Variants in MAS1 observed in about 807,000 individuals in gnomAD.
The protein encoded by MAS1 is MAS1 proto-oncogene, G protein-coupled receptor, also known as proto-oncogene Mas.
For synonymous variants in MAS1, 163 were observed against 164.2 expected (o/e 0.99, Z 0.05); for missense variants, 387 against 409.7 (o/e 0.94, Z 0.48).
In MAS1 at chr6:159,914,193, TTC is replaced by T. The variant is rs1175802807; in HGVS notation, c.*6264_*6265del. ...TCTGTACTTTTTGTGATTCTCTGAA[TTC>T]TCTGTCAGACATTTCGGAGATCTTC... is the stretch of plus-strand genomic sequence containing the variant. On this transcript the variant is annotated 3_prime_UTR_variant, in exon 3 of 3. Transcript: ENST00000674077. 17 of 152,374 alleles carry T rather than the reference TTC, an allele frequency of 1.1e-4. No homozygotes were observed. The highest frequency in any genetic ancestry group is 9.8e-4 in the Admixed American group (15 of 15,306). The allele number at this position is 152,374 out of a possible 1,614,324, so 9.4% of individuals were successfully genotyped here.
chr6:159,904,957 A>G (rs220725), intron 2 of MAS1, among the ~76,000 whole-genome samples: 150,556 of 152,292 alleles, frequency 0.99, 74,430 homozygotes, highest in East Asian at 1. Context: ...TATTTCCTTC[A>G]TGTCTTTGCC....
At position 159,913,439 on chromosome 6, in the gene MAS1, C is replaced by T. The variant is rs142945149; in HGVS notation, c.*5506C>T. On this transcript the variant is annotated 3_prime_UTR_variant, in exon 3 of 3. Coordinates refer to ENST00000674077, the MANE Select transcript of MAS1 (RefSeq NM_002377.4). ...AACAATGTATTGTCATTTCTCAAGG[C>T]TCCATGGGTTGATTGAGTTCAGTTT... The T allele has an allele frequency of 1.3e-5, 2 of 152,328 alleles. No individual in the cohort carries two copies. The highest frequency in any genetic ancestry group is 3.9e-4 in the East Asian group (2 of 5,188). The allele number at this position is 152,328 out of a possible 1,614,324, so 9.4% of individuals were successfully genotyped here.
At chr6:159,903,553 T>G (rs1782848194) in intron 2 of MAS1, among the ~76,000 whole-genome samples, 3 of 152,046 alleles carry the variant, frequency 2.0e-5, no homozygotes, top group Admixed American at 1.3e-4. Flanking sequence ...ACCCTGAACA[T>G]CTCCTCACTC....
chr6:159,915,320 C>A lies in MAS1; in HGVS notation c.*7387C>A, dbSNP rs1783009925. 1 of 152,212 alleles carries A rather than the reference C, an allele frequency of 6.6e-6. No individual in the cohort carries two copies. The highest frequency in any genetic ancestry group is 2.4e-5 in the African/African-American group (1 of 41,430). The allele number at this position is 152,212 out of a possible 1,614,324, so 9.4% of individuals were successfully genotyped here. ...CCGTACCCTTTCTCCAGCCTCCCTG[C>A]CCCATAAACCTATAAATCCCAAATT... On this transcript the variant is annotated 3_prime_UTR_variant, in exon 3 of 3. Transcript: ENST00000674077.
rs954930026 is a variant in MAS1 at position 159,907,044 on chromosome 6, G to A, written c.89G>A (p.Arg30Gln). The A allele has an allele frequency of 1.3e-5, 21 of 1,614,040 alleles. No homozygotes were observed. Among genetic ancestry groups the A allele is most frequent in the Non-Finnish European group, 1.7e-5 (20 of 1,179,948 alleles). ...GRNASVGNAHRQIPIVHWVIM... is the reference protein window; with the variant it reads ...GRNASVGNAHQQIPIVHWVIM... ...AACGCCTCAGTCGGGAATGCACATC[G>A]GCAAATCCCCATCGTGCACTGGGTC... Residue 30 changes from arginine to glutamine, a missense_variant, in exon 3 of 3, where the codon CGG becomes CAG. Transcript: ENST00000674077.
intron 1 of MAS1, among the ~76,000 whole-genome samples, chr6:159,897,243 C>T (rs140984175): frequency 2.9e-3 from 434 of 152,036 alleles, no homozygotes; most frequent in African/African-American, 9.9e-3. Flanking sequence ...GCTGATTGGT[C>T]AGGTTGGAGG....
At position 159,909,088 on chromosome 6, in the gene MAS1, A is replaced by G. The variant is rs1782935486; in HGVS notation, c.*1155A>G. ...ATTTTTGCTCATGACAGATCCTTGC[A>G]TGACTTCCTCAGAATCTTTACTCAG... On this transcript the variant is annotated 3_prime_UTR_variant, in exon 3 of 3. Transcript: ENST00000674077. The G allele has an allele frequency of 6.6e-6, 1 of 151,602 alleles. No homozygotes were observed. Among genetic ancestry groups the G allele is most frequent in the Non-Finnish European group, 1.5e-5 (1 of 68,000 alleles). 9.4% of individuals were successfully genotyped at this position (151,602 alleles called of 1,614,324 possible).
intron 1 of MAS1, among the ~76,000 whole-genome samples, chr6:159,894,424 A>AC (rs1472266620): frequency 4.6e-5 from 7 of 151,298 alleles, no homozygotes; most frequent in African/African-American, 1.7e-4. Context: ...GTCTCAAAAA[A>AC]AAAAAAAAAA....
chr6:159,895,922 T>A (rs573695694), intron 1 of MAS1, among the ~76,000 whole-genome samples: 51 of 152,332 alleles, frequency 3.3e-4, no homozygotes, highest in Admixed American at 6.5e-4. Context: ...AAAATTTGCA[T>A]CCATATGAAT....
At chr6:159,891,534 A>G (rs1583209273) in intron 1 of MAS1, among the ~76,000 whole-genome samples, 1 of 152,198 alleles carries the variant, frequency 6.6e-6, no homozygotes, top group Non-Finnish European at 1.5e-5. Context: ...GGTTTGAAAG[A>G]GTTGTTACTG....
At chr6:159,897,694 G>T (rs1782769311) in intron 1 of MAS1, among the ~76,000 whole-genome samples, 1 of 152,132 alleles carries the variant, frequency 6.6e-6, no homozygotes, top group South Asian at 2.1e-4. Context: ...GAATCAGTTA[G>T]GTGAGATCTC....
chr6:159,904,395 C>T (rs1782858113), intron 2 of MAS1, among the ~76,000 whole-genome samples: 1 of 152,176 alleles, frequency 6.6e-6, no homozygotes, highest in African/African-American at 2.4e-5. Flanking sequence ...TCTCGAACTC[C>T]ACAGGCCCTG....
chr6:159,891,203 A>G (rs916366911), intron 1 of MAS1, among the ~76,000 whole-genome samples, 70 bp downstream of exon 1: 2 of 152,170 alleles, frequency 1.3e-5, no homozygotes, highest in African/African-American at 4.8e-5. Context: ...TCTCTCTTTA[A>G]AAAGCTATTT....
rs1412500316 is a variant in MAS1 at position 159,911,013 on chromosome 6, T to C, written c.*3080T>C. On this transcript the variant is annotated 3_prime_UTR_variant, in exon 3 of 3. Coordinates refer to ENST00000674077, the MANE Select transcript of MAS1 (RefSeq NM_002377.4). ...CTACATTTTTCTCCAGCTCTCTTTTTGAATCCTATCTTCCTGATTGGAATC... is the reference window on the plus strand; with the variant it reads ...CTACATTTTTCTCCAGCTCTCTTTTCGAATCCTATCTTCCTGATTGGAATC... The C allele has an allele frequency of 6.6e-6, 1 of 152,266 alleles. No individual in the cohort carries two copies. Among genetic ancestry groups the C allele is most frequent in the Non-Finnish European group, 1.5e-5 (1 of 68,060 alleles). 9.4% of individuals were successfully genotyped at this position (152,266 alleles called of 1,614,324 possible).
intron 1 of MAS1, among the ~76,000 whole-genome samples, chr6:159,892,537 A>C (rs1175045747): frequency 6.6e-6 from 1 of 152,118 alleles, no homozygotes; most frequent in Non-Finnish European, 1.5e-5. Flanking sequence ...GACTGTGCTC[A>C]ACTGAATGGG....
chr6:159,911,794 C>T lies in MAS1; in HGVS notation c.*3861C>T, dbSNP rs1250709824. ...AATAGAAGCAACCGGAAGAACTCTT[C>T]CAGACATCCCCGCTGTCCCCTCTGC... On this transcript the variant is annotated 3_prime_UTR_variant, in exon 3 of 3. Transcript: ENST00000674077. 1.3e-5 allele frequency: 2 copies of T among 152,230 alleles called. No individual in the cohort carries two copies. The highest frequency in any genetic ancestry group is 2.9e-5 in the Non-Finnish European group (2 of 68,150). The allele number at this position is 152,230 out of a possible 1,614,324, so 9.4% of individuals were successfully genotyped here.
rs1782989872 is a variant in MAS1, at chr6:159,913,668, A to G, written c.*5735A>G. On this transcript the variant is annotated 3_prime_UTR_variant, in exon 3 of 3. Transcript: ENST00000674077. ...TTACAACATGGTGATTGTGTTCTGGAAGGAAGTCTCCTGAGACTTAGCTTT... is the reference window on the plus strand; with the variant it reads ...TTACAACATGGTGATTGTGTTCTGGGAGGAAGTCTCCTGAGACTTAGCTTT... 1 of 152,166 alleles carries G rather than the reference A, an allele frequency of 6.6e-6. No individual in the cohort carries two copies. Among genetic ancestry groups the G allele is most frequent in the Admixed American group, 6.5e-5 (1 of 15,286 alleles). The allele number at this position is 152,166 out of a possible 1,614,324, so 9.4% of individuals were successfully genotyped here. A position where few individuals can be genotyped will look rare whatever the true frequency, so the allele number is the denominator to read the frequency against.
rs188811317 is a variant in MAS1, at chr6:159,906,910, A to G, written c.-36-10A>G. The G allele has an allele frequency of 9.1e-4, 1,393 of 1,531,544 alleles. 2 individuals carry two copies. Among genetic ancestry groups the G allele is most frequent in the Non-Finnish European group, 7.3e-4 (827 of 1,136,920 alleles). 94.9% of individuals were successfully genotyped at this position (1,531,544 alleles called of 1,614,324 possible). On this transcript the variant is annotated splice_polypyrimidine_tract_variant and intron_variant, in intron 2 of 2. Transcript: ENST00000674077. ...TTTTTGTGTTTGTTTTGTTCTGGAC[A>G]TATTTACAGAAAATTACCTGAAGAG...
Position 159,916,643 on chromosome 6 carries a change from T to C in MAS1, c.*8710T>C, listed in dbSNP as rs1783029856. 1 of 152,196 alleles carries C rather than the reference T, an allele frequency of 6.6e-6. No homozygotes were observed. The highest frequency in any genetic ancestry group is 2.4e-5 in the African/African-American group (1 of 41,454). The allele number at this position is 152,196 out of a possible 1,614,324, so 9.4% of individuals were successfully genotyped here. The stretch of plus-strand genomic sequence containing the variant: ...GATGAAGACAAACCTCCTCTTCATC[T>C]TCACTCCAGTGAGTGGAGCACTGGC... On this transcript the variant is annotated 3_prime_UTR_variant, in exon 3 of 3. Transcript: ENST00000674077.
Sources: gnomAD v4.1 joint callset for allele counts (sites outside exome capture counted in the v4.1 genomes callset) on GRCh38, gnomAD v4.1.1 for gene constraint, MANE v1.5 for transcripts, NCBI Gene and HGNC (gene_info 2026-07-23, HGNC 2026-07-21) for gene names.